The following KCNMB2 variants were observed in gnomAD, a reference collection of about 807,000 sequenced individuals.
KCNMB2 encodes calcium-activated potassium channel subunit beta-2.
KCNMB2 carries 9 observed loss-of-function variants against 24.5 expected under a neutral mutation model. That is an observed-to-expected ratio of 0.37 (90% CI 0.22 to 0.64). The LOEUF (loss-of-function observed/expected upper bound fraction) is 0.64. Ranked by LOEUF, KCNMB2 falls within the 30% of genes least tolerant of loss-of-function variation. The pLI, the probability that KCNMB2 is intolerant of heterozygous loss-of-function variation, is 0.63. For missense variants in KCNMB2, 226 were observed against 284.3 expected, an observed-to-expected ratio of 0.79 and a Z score of 1.47; for synonymous variants, 109 against 104.4, an observed-to-expected ratio of 1.04 and a Z score of -0.27.
At chr3:178,588,825 G>C (rs1005978115) in intron 1 of KCNMB2, among the ~76,000 whole-genome samples, 3 of 152,002 alleles carry the variant, frequency 2.0e-5, no homozygotes, top group African/African-American at 7.2e-5. Context: ...TAAGCCTCAG[G>C]CTCCTCATGA....
At chr3:178,646,595 T>C (rs1719932400) in intron 1 of KCNMB2, among the ~76,000 whole-genome samples, 1 of 152,186 alleles carries the variant, frequency 6.6e-6, no homozygotes, top group African/African-American at 2.4e-5. Context: ...GAACCTGCTA[T>C]TGTAAGCGAG....
At chr3:178,839,678 G>A (rs928513165) in intron 4 of KCNMB2, among the ~76,000 whole-genome samples, 6 of 152,158 alleles carry the variant, frequency 3.9e-5, no homozygotes, top group African/African-American at 1.4e-4. Context: ...GAGACAGCAT[G>A]AGGGCCAGGG....
intron 1 of KCNMB2, among the ~76,000 whole-genome samples, chr3:178,752,463 G>A (rs1723882818): frequency 1.3e-5 from 2 of 152,188 alleles, no homozygotes; most frequent in Admixed American, 1.3e-4. Context: ...ATGGGAAATG[G>A]TGTCCAAGGA....
At chr3:178,585,081 G>C (rs1717378401) in intron 1 of KCNMB2, among the ~76,000 whole-genome samples, 1 of 152,206 alleles carries the variant, frequency 6.6e-6, no homozygotes, top group African/African-American at 2.4e-5. Context: ...ATCTGATTAA[G>C]GTTTTGGGTC....
intron 1 of KCNMB2, among the ~76,000 whole-genome samples, chr3:178,799,646 A>C (rs1045147380): frequency 6.6e-6 from 1 of 152,162 alleles, no homozygotes; most frequent in Non-Finnish European, 1.5e-5. Flanking sequence ...CAAAATACCA[A>C]TGACATTCTC....
At chr3:178,666,530 T>C (rs1342984726) in intron 1 of KCNMB2, among the ~76,000 whole-genome samples, 2 of 152,116 alleles carry the variant, frequency 1.3e-5, no homozygotes, top group East Asian at 3.9e-4. Context: ...TTCTGCGTGG[T>C]GTTTTCTAAA....
chr3:178,723,798 T>C (rs1021098870), intron 1 of KCNMB2, among the ~76,000 whole-genome samples: 1 of 152,184 alleles, frequency 6.6e-6, no homozygotes, highest in Non-Finnish European at 1.5e-5. Flanking sequence ...GCTGTATCCA[T>C]GTTGTTTCAA....
chr3:178,818,281 C>T (rs1442924166), intron 2 of KCNMB2, among the ~76,000 whole-genome samples: 1 of 152,046 alleles, frequency 6.6e-6, no homozygotes, highest in African/African-American at 2.4e-5. Flanking sequence ...TTTGTTTGTT[C>T]TTAAGTTCTG....
chr3:178,675,621 C>G (rs530061123), intron 1 of KCNMB2, among the ~76,000 whole-genome samples: 1 of 152,260 alleles, frequency 6.6e-6, no homozygotes, highest in East Asian at 1.9e-4. Context: ...AATCTTTGAT[C>G]AATGTTCACA....
chr3:178,753,949 G>C (rs1040571841), intron 1 of KCNMB2, among the ~76,000 whole-genome samples: 1 of 149,194 alleles, frequency 6.7e-6, no homozygotes, highest in African/African-American at 2.5e-5. Context: ...CCATTCTCTT[G>C]TCCCATCAGA....
chr3:178,691,243 C>T (rs1395394281), intron 1 of KCNMB2, among the ~76,000 whole-genome samples: 3 of 149,168 alleles, frequency 2.0e-5, no homozygotes, highest in African/African-American at 7.4e-5. Flanking sequence ...CCACACCTGG[C>T]TTTTTAATTT....
chr3:178,616,790 T>C (rs1003893948), intron 1 of KCNMB2, among the ~76,000 whole-genome samples: 7 of 152,056 alleles, frequency 4.6e-5, no homozygotes, highest in South Asian at 4.1e-4. Flanking sequence ...ATTTCGTAGA[T>C]GGAAAAACAA....
chr3:178,612,437 A>C (rs571932351), intron 1 of KCNMB2, among the ~76,000 whole-genome samples: 4 of 152,284 alleles, frequency 2.6e-5, no homozygotes, highest in African/African-American at 9.6e-5. Flanking sequence ...GGGTGCATAT[A>C]TATTAAAAAT....
intron 1 of KCNMB2, chr3:178,558,720 C>T (rs900679271): frequency 1.3e-5 from 2 of 152,236 alleles, no homozygotes; most frequent in East Asian, 3.9e-4. Flanking sequence ...GTGGGCTTTT[C>T]ACTACCTTTA....
chr3:178,583,225 T>C (rs981646669), intron 1 of KCNMB2, among the ~76,000 whole-genome samples: 3 of 152,136 alleles, frequency 2.0e-5, no homozygotes, highest in Admixed American at 1.3e-4. Flanking sequence ...AAAGTTACTA[T>C]AAAAATTGCT....
At chr3:178,687,148 G>T (rs1283171936) in intron 1 of KCNMB2, among the ~76,000 whole-genome samples, 1 of 152,004 alleles carries the variant, frequency 6.6e-6, no homozygotes, top group Non-Finnish European at 1.5e-5. Context: ...GATGCTCTTA[G>T]AAATAGGAAC....
intron 1 of KCNMB2, among the ~76,000 whole-genome samples, chr3:178,754,177 T>TATATATATATATAC (rs1435109631): frequency 3.2e-4 from 37 of 117,214 alleles, no homozygotes; most frequent in African/African-American, 1.3e-3. Flanking sequence ...TATATATATA[T>TATATATATATATAC]ACACACACAC....
intron 1 of KCNMB2, among the ~76,000 whole-genome samples, chr3:178,656,888 G>T (rs973099834): frequency 6.6e-6 from 1 of 152,094 alleles, no homozygotes; most frequent in Admixed American, 6.5e-5. Flanking sequence ...GTTGGGGCGG[G>T]GTAGGGGGGT....
At chr3:178,696,122 GAGA>G (rs1721866593) in intron 1 of KCNMB2, among the ~76,000 whole-genome samples, 1 of 152,308 alleles carries the variant, frequency 6.6e-6, no homozygotes, top group East Asian at 1.9e-4. Flanking sequence ...CAGCAGGAAG[GAGA>G]AGAATGAGTC....
Sources: gnomAD v4.1 joint callset for allele counts (sites outside exome capture counted in the v4.1 genomes callset) on GRCh38, gnomAD v4.1.1 for gene constraint, MANE v1.5 for transcripts, NCBI Gene and HGNC (gene_info 2026-07-23, HGNC 2026-07-21) for gene names.